The following C10orf105 variants were observed in gnomAD, a reference collection of about 807,000 sequenced individuals.
C10orf105 encodes chromosome 10 open reading frame 105.
Under a neutral mutation model 0.6 loss-of-function variants are expected in C10orf105, and 2 were observed. The ratio of observed to expected loss-of-function variants is 3.18; its 90% confidence interval spans 1.30 to 10.01. The LOEUF is 10.01. Among genes scored for constraint, C10orf105 ranks in the 30% most tolerant of loss-of-function variants. C10orf105 has a pLI of 0.04. For synonymous variants in C10orf105, 95 were observed against 82.4 expected (o/e 1.15, Z -0.83); for missense variants, 209 against 191.4 (o/e 1.09, Z -0.54).
At chr10:71,724,128 G>C (rs1238296415), upstream of C10orf105, 8 of 1,552,490 alleles carry the variant, frequency 5.2e-6, no homozygotes, top group African/African-American at 1.4e-5. Context: ...GCCCTAGGAT[G>C]GGGGGCGGTC....
At chr10:71,734,204 ATGT>A in intron 1 of C10orf105, 1 of 1,531,522 alleles carries the variant, frequency 6.5e-7, no homozygotes, top group Non-Finnish European at 8.9e-7. Context: ...CAAGGGTGCG[ATGT>A]TGTCACTCAC....
Position 71,715,859 on chromosome 10 carries a change from T to A in C10orf105, c.*77A>T, listed in dbSNP as rs2132769083. 8 of 1,374,436 alleles carry A rather than the reference T, an allele frequency of 5.8e-6. No homozygotes were observed. Among genetic ancestry groups the A allele is most frequent in the Non-Finnish European group, 7.7e-6 (8 of 1,039,134 alleles). The allele number at this position is 1,374,436 out of a possible 1,614,324, so 85.1% of individuals were successfully genotyped here. Reference sequence around the variant, plus strand: ...CTTGGGCCACTGTCTTCCTGCAGCCTGCAGCACCGGTCTCTGAAGCAGGAG... The same window carrying A: ...CTTGGGCCACTGTCTTCCTGCAGCCAGCAGCACCGGTCTCTGAAGCAGGAG... On this transcript the variant is annotated 3_prime_UTR_variant, in exon 2 of 2. Transcript: ENST00000441508.
At chr10:71,736,004 A>C (rs923840914) in intron 1 of C10orf105, among the ~76,000 whole-genome samples, 2 of 152,214 alleles carry the variant, frequency 1.3e-5, no homozygotes, top group Admixed American at 6.5e-5. Flanking sequence ...CAATGGGCCC[A>C]CCTGGCCCTC....
intron 1 of C10orf105, 187 bp from the exon 2 acceptor site, chr10:71,716,529 T>C (rs1589366413): frequency 2.0e-6 from 1 of 505,038 alleles, no homozygotes; most frequent in East Asian, 3.4e-5. Flanking sequence ...TACACACAGC[T>C]GAGCAGTGAT....
intron 1 of C10orf105, among the ~76,000 whole-genome samples, chr10:71,727,059 C>A (rs773844557): frequency 1.5e-4 from 23 of 152,248 alleles, no homozygotes; most frequent in Non-Finnish European, 2.9e-4. Context: ...CCCCTGAACC[C>A]TGAGGAATAA....
chr10:71,716,191 C>T lies in C10orf105; in HGVS notation c.147G>A (p.Leu49=). 6.4e-7 allele frequency: 1 copy of T among 1,550,944 alleles called. No individual in the cohort carries two copies. Among genetic ancestry groups the T allele is most frequent in the Non-Finnish European group, 8.7e-7 (1 of 1,146,760 alleles). The part of the protein sequence containing the change: ...LIALACIFLL[L]ATCLLFMTLC... ...GCGTCATGAACAGCAGACAGGTGGC[C>T]AGCAGGAGGAAGATGCAGGCCAGGG... The change falls in exon 2 of 2, where the codon CTG becomes CTA. Residue 49 remains leucine, a synonymous_variant. Transcript: ENST00000441508.
Position 71,712,826 on chromosome 10 carries a change from T to C in C10orf105, c.*3110A>G. The stretch of plus-strand genomic sequence containing the variant: ...CAGCATCTTGCAGGCAGGTGGCCCG[T>C]GGCCTCTGGGGCAGGTGGTGGGCTG... On this transcript the variant is annotated 3_prime_UTR_variant, in exon 2 of 2. Coordinates refer to ENST00000441508, the MANE Select transcript of C10orf105 (RefSeq NM_001164375.3). The C allele has an allele frequency of 2.5e-6, 4 of 1,608,552 alleles. No individual in the cohort carries two copies. Among genetic ancestry groups the C allele is most frequent in the Non-Finnish European group, 8.5e-7 (1 of 1,177,944 alleles).
Position 71,715,664 on chromosome 10 carries a change from C to A in C10orf105, c.*272G>T. The A allele has an allele frequency of 3.1e-6, 1 of 322,676 alleles. No homozygotes were observed. Among genetic ancestry groups the A allele is most frequent in the Non-Finnish European group, 5.7e-6 (1 of 176,328 alleles). The allele number at this position is 322,676 out of a possible 1,614,324, so 20.0% of individuals were successfully genotyped here. A position where few individuals can be genotyped will look rare whatever the true frequency, so the allele number is the denominator to read the frequency against. ...AGGTTGTACCCTGTGGAGCCTCAGG[C>A]CAAAGGCCCAGATGACCACGAGTGC... On this transcript the variant is annotated 3_prime_UTR_variant, in exon 2 of 2. Transcript: ENST00000441508.
chr10:71,732,251 C>T lies in C10orf105; in HGVS notation c.-6+5477G>A, dbSNP rs771796235. The T allele has an allele frequency of 6.2e-7, 1 of 1,613,728 alleles. No individual in the cohort carries two copies. The highest frequency in any genetic ancestry group is 8.5e-7 in the Non-Finnish European group (1 of 1,179,744). On this transcript the variant is annotated intron_variant, in intron 1 of 1. Transcript: ENST00000398786. ...GAGGCTGCCATCCTGGAGAATCTGG[C>T]ACTGGGTACTGAGATTGTGCGGGTC...
chr10:71,737,479 G>A (rs1017335433), intron 1 of C10orf105, among the ~76,000 whole-genome samples: 7 of 152,226 alleles, frequency 4.6e-5, no homozygotes, highest in African/African-American at 1.7e-4. Context: ...GGCTGGGACT[G>A]AGCAGTCAAA....
At position 71,713,466 on chromosome 10, in the gene C10orf105, G is replaced by C; in HGVS notation, c.*2470C>G. 5.1e-6 allele frequency: 3 copies of C among 585,996 alleles called. No individual in the cohort carries two copies. The highest frequency in any genetic ancestry group is 9.1e-6 in the Non-Finnish European group (3 of 329,242). 36.3% of individuals were successfully genotyped at this position (585,996 alleles called of 1,614,324 possible). The stretch of plus-strand genomic sequence containing the variant: ...AACAGGGAATCTGGGCCTGCCCACT[G>C]GGGCAGGCTCCCGGGCTTGGGAGGG... On this transcript the variant is annotated 3_prime_UTR_variant, in exon 2 of 2. Transcript: ENST00000441508.
intron 1 of C10orf105, among the ~76,000 whole-genome samples, chr10:71,724,786 A>G (rs983229060): frequency 2.6e-5 from 4 of 152,236 alleles, no homozygotes; most frequent in Admixed American, 2.0e-4. Context: ...TGGCCAGAGA[A>G]TAAAATGTGC....
rs368400622 is a variant in C10orf105, at chr10:71,713,729, A to G, written c.*2207T>C. 1.4e-3 allele frequency: 242 copies of G among 169,214 alleles called. 1 individual carries two copies. The highest frequency in any genetic ancestry group is 5.4e-3 in the African/African-American group (224 of 41,644). 10.5% of individuals were successfully genotyped at this position (169,214 alleles called of 1,614,324 possible). A position where few individuals can be genotyped will look rare whatever the true frequency, so the allele number is the denominator to read the frequency against. On this transcript the variant is annotated 3_prime_UTR_variant, in exon 2 of 2. Coordinates refer to ENST00000441508, the MANE Select transcript of C10orf105 (RefSeq NM_001164375.3). ...CCCCTGGCCTGGTGCCTGAAACCCA[A>G]TTGAGAGCCCTCCCCCTCCTGGACT...
In C10orf105 at chr10:71,716,047, G is replaced by A. The variant is rs1334194818; in HGVS notation, c.291C>T (p.Arg97=). Residue 97 remains arginine (R), a synonymous_variant, in exon 2 of 2, where the codon CGC becomes CGT. Transcript: ENST00000441508. Reference sequence around the variant, plus strand: ...CATGGCGGAAGCTGTGCAGGGAGAGGCGCAAGGAGCCCAGGCGCTTCCAGA... The same window carrying A: ...CATGGCGGAAGCTGTGCAGGGAGAGACGCAAGGAGCCCAGGCGCTTCCAGA... The part of the protein sequence containing the change: ...LRLWKRLGSL[R]LSLHSFRHGR... 3 of 1,508,210 alleles carry A rather than the reference G, an allele frequency of 2.0e-6. No individual in the cohort carries two copies. Among genetic ancestry groups the A allele is most frequent in the East Asian group, 2.5e-5 (1 of 40,436 alleles). The allele number at this position is 1,508,210 out of a possible 1,614,324, so 93.4% of individuals were successfully genotyped here.
At chr10:71,735,921 A>G (rs1351849170) in intron 1 of C10orf105, among the ~76,000 whole-genome samples, 1 of 152,012 alleles carries the variant, frequency 6.6e-6, no homozygotes, top group Non-Finnish European at 1.5e-5. Context: ...GCGTCCTGCC[A>G]CTCCCAGCCA....
At chr10:71,733,774 G>A (rs1839468128) in intron 1 of C10orf105, among the ~76,000 whole-genome samples, 1 of 152,184 alleles carries the variant, frequency 6.6e-6, no homozygotes, top group South Asian at 2.1e-4. Context: ...CTTCGTCTTT[G>A]CTTTAGTGTA....
chr10:71,725,497 G>C, intron 1 of C10orf105: 1 of 1,613,628 alleles, frequency 6.2e-7, no homozygotes, highest in Non-Finnish European at 8.5e-7. Flanking sequence ...CCACGACCTG[G>C]GCCCCATGCG....
In C10orf105 at chr10:71,716,231, AG is replaced by A; in HGVS notation, c.106del (p.Leu36SerfsTer21). On this transcript the variant is annotated frameshift_variant, in exon 2 of 2. Coordinates refer to ENST00000441508, the MANE Select transcript of C10orf105 (RefSeq NM_001164375.3). LOFTEE classifies it high-confidence loss of function. ...GCAGGCCAGGGCGATGAGCATGGGG[AG>A]GGGGTCAGTTGCCTCTGCAAGGGTC... ...PGTLAEATDPLPMLIALACIF... is the reference protein window; with the variant it reads ...PGTLAEATDPXPMLIALACIF... 1.3e-6 allele frequency: 2 copies of A among 1,550,234 alleles called. No individual in the cohort carries two copies. Among genetic ancestry groups the A allele is most frequent in the East Asian group, 2.4e-5 (1 of 40,858 alleles).
upstream of C10orf105, among the ~76,000 whole-genome samples, chr10:71,720,012 T>TTACTGCCTC (rs1866476365): frequency 6.6e-6 from 1 of 152,228 alleles, no homozygotes; most frequent in South Asian, 2.1e-4. Flanking sequence ...GGGGAGGGTT[T>TTACTGCCTC]TACTGCCTCT....
Sources: allele counts gnomAD v4.1 joint callset (sites outside exome capture counted in the v4.1 genomes callset), GRCh38; gene constraint gnomAD v4.1.1; transcripts MANE v1.5; gene names NCBI Gene and HGNC (gene_info 2026-07-23, HGNC 2026-07-21).